The following LRRTM4 variants were observed in gnomAD, a reference collection of about 807,000 sequenced individuals.
LRRTM4 encodes the protein leucine rich repeat transmembrane neuronal 4.
A neutral mutation model predicts 47.6 loss-of-function variants in LRRTM4; 25 were observed. That is an observed-to-expected ratio of 0.53 (90% CI 0.38 to 0.73). The LOEUF (loss-of-function observed/expected upper bound fraction) is 0.73, where lower values mean the gene tolerates loss of function less well. Among genes scored for constraint, LRRTM4 ranks in the 30% least tolerant of loss-of-function variants. The pLI is 0.00. For missense variants in LRRTM4, 638 were observed against 713.4 expected, an observed-to-expected ratio of 0.89 and a Z score of 1.20; for synonymous variants, 311 against 269.5, an observed-to-expected ratio of 1.15 and a Z score of -1.51.
intron 3 of LRRTM4, among the ~76,000 whole-genome samples, chr2:77,287,538 T>C (rs1383332656): frequency 2.6e-5 from 4 of 151,974 alleles, no homozygotes; most frequent in East Asian, 1.9e-4. Context: ...AAATAACAAA[T>C]AGAAAATTCC....
At chr2:76,799,997 G>T (rs1039889251) in intron 3 of LRRTM4, among the ~76,000 whole-genome samples, 27 of 151,848 alleles carry the variant, frequency 1.8e-4, no homozygotes, top group Non-Finnish European at 3.5e-4. Flanking sequence ...TGGGTAGGAA[G>T]AATCAATATC....
intron 3 of LRRTM4, among the ~76,000 whole-genome samples, chr2:77,003,439 T>C (rs944768288): frequency 9.9e-5 from 15 of 152,140 alleles, no homozygotes; most frequent in Non-Finnish European, 1.5e-4. Flanking sequence ...AACTGAATCA[T>C]GCAGATGGGT....
chr2:77,380,651 C>T (rs1044054256), intron 3 of LRRTM4, among the ~76,000 whole-genome samples: 1 of 151,814 alleles, frequency 6.6e-6, no homozygotes, highest in African/African-American at 2.4e-5. Flanking sequence ...CAAAAATTAG[C>T]TGGGCCTGGA....
chr2:77,448,982 T>C (rs1236892650), intron 3 of LRRTM4, among the ~76,000 whole-genome samples: 3 of 152,170 alleles, frequency 2.0e-5, no homozygotes, highest in African/African-American at 7.2e-5. Flanking sequence ...CATAGGTATA[T>C]CAGAAGTATT....
intron 3 of LRRTM4, among the ~76,000 whole-genome samples, chr2:77,454,014 A>G (rs1458672171): frequency 1.3e-5 from 2 of 152,146 alleles, no homozygotes; most frequent in African/African-American, 2.4e-5. Flanking sequence ...ACCTTACACA[A>G]TGGATTCCAC....
At chr2:77,275,646 T>C (rs531044457) in intron 3 of LRRTM4, among the ~76,000 whole-genome samples, 5 of 152,102 alleles carry the variant, frequency 3.3e-5, no homozygotes, top group Non-Finnish European at 7.4e-5. Flanking sequence ...GATTTAGGCT[T>C]CTAGGGACCT....
chr2:76,830,542 G>A (rs1671320201), intron 3 of LRRTM4, among the ~76,000 whole-genome samples: 1 of 144,460 alleles, frequency 6.9e-6, no homozygotes, highest in Non-Finnish European at 1.5e-5. Context: ...GTGTGTGTGT[G>A]TGTGTTTCTG....
At chr2:76,846,534 C>T (rs1353782231) in intron 3 of LRRTM4, among the ~76,000 whole-genome samples, 1 of 152,062 alleles carries the variant, frequency 6.6e-6, no homozygotes, top group Non-Finnish European at 1.5e-5. Flanking sequence ...TATCATCTAG[C>T]TATCTATCTT....
At chr2:76,920,990 A>G (rs762991358) in intron 3 of LRRTM4, among the ~76,000 whole-genome samples, 24 of 152,018 alleles carry the variant, frequency 1.6e-4, no homozygotes, top group Non-Finnish European at 3.4e-4. Context: ...CATTTTTATT[A>G]TCTTTCATTG....
chr2:77,092,021 G>A (rs368737106), intron 3 of LRRTM4, among the ~76,000 whole-genome samples: 7,790 of 151,342 alleles, frequency 0.051, 170 homozygotes, highest in African/African-American at 0.093. Flanking sequence ...TCATGTCTGC[G>A]TGCAGCGGCT....
intron 3 of LRRTM4, among the ~76,000 whole-genome samples, chr2:77,055,899 A>T (rs1679588231): frequency 6.6e-6 from 1 of 151,540 alleles, no homozygotes; most frequent in African/African-American, 2.4e-5. Flanking sequence ...AGGGACATGG[A>T]TGAAATTGGA....
intron 3 of LRRTM4, among the ~76,000 whole-genome samples, chr2:76,943,444 A>C (rs1675219304): frequency 6.6e-6 from 1 of 152,160 alleles, no homozygotes; most frequent in South Asian, 2.1e-4. Flanking sequence ...CAAAACAAAA[A>C]AATAAATTAA....
At chr2:77,274,764 A>G (rs563568976) in intron 3 of LRRTM4, among the ~76,000 whole-genome samples, 20 of 152,318 alleles carry the variant, frequency 1.3e-4, no homozygotes, top group Non-Finnish European at 2.5e-4. Context: ...TTATTAAGAC[A>G]GAGATAAAAG....
chr2:77,061,560 A>C lies in LRRTM4; in HGVS notation c.1552-312644T>G, dbSNP rs1346039197. On this transcript the variant is annotated intron_variant, in intron 3 of 3. Transcript: ENST00000409884. ...CAAACATTCAAATCTCTCCAGAAAG[A>C]GTGTTCAGTGTGGGGGCCAGATTAG... Among the ~76,000 whole-genome samples the C allele has an allele frequency of 2.0e-5, 3 of 152,152 alleles. No individual in the cohort carries two copies. In the East Asian group the frequency reaches 5.8e-4, roughly 29 times the overall value.
At chr2:77,164,231 T>C (rs1442300230) in intron 3 of LRRTM4, among the ~76,000 whole-genome samples, 1 of 152,066 alleles carries the variant, frequency 6.6e-6, no homozygotes, top group African/African-American at 2.4e-5. Flanking sequence ...TACATAATGG[T>C]AAAGGGATCA....
At chr2:76,795,934 G>A (rs897321858) in intron 3 of LRRTM4, among the ~76,000 whole-genome samples, 4 of 151,534 alleles carry the variant, frequency 2.6e-5, no homozygotes, top group East Asian at 2.0e-4. Context: ...GTGCCAGACA[G>A]TGGGCGCAGG....
At chr2:77,293,131 G>A (rs890885694) in intron 3 of LRRTM4, among the ~76,000 whole-genome samples, 5 of 152,032 alleles carry the variant, frequency 3.3e-5, no homozygotes, top group African/African-American at 1.2e-4. Flanking sequence ...TATTTGGAAA[G>A]TAGAATGAAA....
chr2:77,290,963 A>C (rs765465813), intron 3 of LRRTM4, among the ~76,000 whole-genome samples: 15 of 152,088 alleles, frequency 9.9e-5, no homozygotes, highest in Non-Finnish European at 1.5e-4. Flanking sequence ...AATATACATA[A>C]GAGTCCCAGA....
At chr2:76,987,505 A>G (rs975730628) in intron 3 of LRRTM4, 2 of 151,870 alleles carry the variant, frequency 1.3e-5, no homozygotes, top group African/African-American at 4.8e-5. Context: ...GTGAGTTTCT[A>G]TATATATTTT....
Sources: gnomAD v4.1 joint callset for allele counts (sites outside exome capture counted in the v4.1 genomes callset) on GRCh38, gnomAD v4.1.1 for gene constraint, MANE v1.5 for transcripts, NCBI Gene and HGNC (gene_info 2026-07-23, HGNC 2026-07-21) for gene names.